EPHA5: variants seen among roughly 807,000 people sequenced by gnomAD.
EPHA5 encodes EPH receptor A5, also known as ephrin type-A receptor 5.
A neutral mutation model predicts 105.0 loss-of-function variants in EPHA5; 60 were observed. The ratio of observed to expected loss-of-function variants is 0.57; its 90% CI spans 0.46 to 0.71. The LOEUF (loss-of-function observed/expected upper bound fraction) is 0.71. Ranked by LOEUF, EPHA5 falls within the 30% of genes least tolerant of loss-of-function variation. EPHA5 has a pLI of 0.00. For synonymous variants in EPHA5, 513 were observed against 449.1 expected (o/e 1.14, Z -1.80); for missense variants, 1,218 against 1,274.7 (o/e 0.96, Z 0.68).
intron 6 of EPHA5, among the ~76,000 whole-genome samples, chr4:65,418,928 G>T: frequency 9.5e-6 from 1 of 105,326 alleles, no homozygotes; most frequent in Non-Finnish European, 1.7e-5. Context: ...TTGTTGCCCA[G>T]ACTGGAGTGC....
intron 3 of EPHA5, among the ~76,000 whole-genome samples, chr4:65,581,819 A>G (rs1741654988): frequency 6.6e-6 from 1 of 151,796 alleles, no homozygotes; most frequent in South Asian, 2.1e-4. Context: ...TTTATATGCT[A>G]AAGTCATGAA....
intron 3 of EPHA5, among the ~76,000 whole-genome samples, chr4:65,510,637 C>T (rs1028660144): frequency 6.6e-6 from 1 of 152,158 alleles, no homozygotes; most frequent in Admixed American, 6.5e-5. Flanking sequence ...AGAAACTAAG[C>T]ACTCAATAGC....
At chr4:65,654,052 T>A (rs1748846742) in intron 1 of EPHA5, among the ~76,000 whole-genome samples, 1 of 152,080 alleles carries the variant, frequency 6.6e-6, no homozygotes, top group Non-Finnish European at 1.5e-5. Context: ...AAAGGAATAA[T>A]GCTGCTGACA....
chr4:65,433,378 A>G (rs1276613483), intron 5 of EPHA5, among the ~76,000 whole-genome samples: 4 of 152,168 alleles, frequency 2.6e-5, no homozygotes, highest in Non-Finnish European at 5.9e-5. Context: ...AAGTTGTAAG[A>G]CCACACCAAC....
intron 5 of EPHA5, among the ~76,000 whole-genome samples, chr4:65,472,614 C>T (rs1183315619): frequency 6.6e-6 from 1 of 152,234 alleles, no homozygotes; most frequent in East Asian, 1.9e-4. Flanking sequence ...GGCTTGCACC[C>T]TCTGAAGCAA....
At chr4:65,660,673 C>A (rs1187722126) in intron 1 of EPHA5, among the ~76,000 whole-genome samples, 1 of 151,898 alleles carries the variant, frequency 6.6e-6, no homozygotes, top group African/African-American at 2.4e-5. Flanking sequence ...GGTTCAAGAC[C>A]ATACCACTGT....
chr4:65,465,500 A>T, intron 5 of EPHA5, among the ~76,000 whole-genome samples: 1 of 120,154 alleles, frequency 8.3e-6, no homozygotes, highest in Non-Finnish European at 1.8e-5. Context: ...AGAAAGAAAG[A>T]AAGAAAGAAA....
intron 8 of EPHA5, among the ~76,000 whole-genome samples, chr4:65,372,343 T>C (rs1167831556): frequency 6.6e-6 from 1 of 151,918 alleles, no homozygotes; most frequent in Non-Finnish European, 1.5e-5. Context: ...ACATATCTAA[T>C]AAAAACTGAA....
At chr4:65,483,886 C>T (rs1182315359) in intron 5 of EPHA5, among the ~76,000 whole-genome samples, 1 of 152,016 alleles carries the variant, frequency 6.6e-6, no homozygotes, top group Non-Finnish European at 1.5e-5. Context: ...AAACAGTAAA[C>T]ATAAATCCCT....
intron 3 of EPHA5, among the ~76,000 whole-genome samples, chr4:65,542,189 G>C (rs1736907234): frequency 6.6e-6 from 1 of 151,854 alleles, no homozygotes; most frequent in South Asian, 2.1e-4. Context: ...AGAAAAGCCA[G>C]AGCAAACAAA....
intron 3 of EPHA5, among the ~76,000 whole-genome samples, chr4:65,499,816 A>G (rs779369458): frequency 7.0e-6 from 1 of 142,630 alleles, no homozygotes; most frequent in African/African-American, 2.5e-5. Flanking sequence ...ATGTAAATAA[A>G]TAAATGTATA....
intron 2 of EPHA5, among the ~76,000 whole-genome samples, chr4:65,615,931 C>G (rs895230794): frequency 6.6e-6 from 1 of 151,976 alleles, no homozygotes; most frequent in East Asian, 1.9e-4. Context: ...TTTCACTCTT[C>G]AACATCTATA....
At chr4:65,372,688 T>C (rs1247598711) in intron 8 of EPHA5, among the ~76,000 whole-genome samples, 2 of 151,904 alleles carry the variant, frequency 1.3e-5, no homozygotes, top group Non-Finnish European at 2.9e-5. Context: ...ATTTTCTGAG[T>C]TCTTATCTCA....
chr4:65,504,105 C>A (rs1732766133), intron 3 of EPHA5, among the ~76,000 whole-genome samples: 1 of 151,264 alleles, frequency 6.6e-6, no homozygotes, highest in South Asian at 2.1e-4. Context: ...ATCAATTTCA[C>A]ATTTTTATAT....
intron 2 of EPHA5, among the ~76,000 whole-genome samples, chr4:65,617,200 C>G (rs138637049): frequency 1.6e-3 from 247 of 152,136 alleles, no homozygotes; most frequent in Non-Finnish European, 2.3e-3. Flanking sequence ...ATCATATTAT[C>G]TTAAATCCTG....
intron 13 of EPHA5, 77 bp downstream of exon 13, chr4:65,351,312 T>C: frequency 7.6e-7 from 1 of 1,318,714 alleles, no homozygotes; most frequent in Non-Finnish European, 1.1e-6. Context: ...GAATGCTCTT[T>C]TAGCTATTTC....
intron 5 of EPHA5, among the ~76,000 whole-genome samples, chr4:65,438,913 G>A (rs1560537136): frequency 6.6e-6 from 1 of 152,090 alleles, no homozygotes; most frequent in African/African-American, 2.4e-5. Flanking sequence ...CTGAGAAGGT[G>A]AATAAAATAT....
At chr4:65,644,074 A>G (rs947284440) in intron 1 of EPHA5, among the ~76,000 whole-genome samples, 2 of 152,042 alleles carry the variant, frequency 1.3e-5, no homozygotes, top group Admixed American at 1.3e-4. Flanking sequence ...CTTAGATATG[A>G]CCATAGTCTA....
chr4:65,324,171 G>T lies in EPHA5; in HGVS notation c.2994C>A (p.Ile998=), dbSNP rs1719860039. The part of the protein sequence containing the change: ...GVTLVGHQKK[I]MNSLQEMKVQ... ...CCTTCATTTCTTGAAGGCTGTTCAT[G>T]ATCTTCTTCTGGTGACCGACAAGAG... is the stretch of plus-strand genomic sequence containing the variant. Residue 998 remains isoleucine, a synonymous_variant, in exon 17 of 17, where the codon ATC becomes ATA. Transcript: ENST00000613740. The T allele has an allele frequency of 6.2e-7, 1 of 1,609,434 alleles. No homozygotes were observed. Among genetic ancestry groups the T allele is most frequent in the African/African-American group, 1.3e-5 (1 of 74,498 alleles).
Sources: gnomAD v4.1 joint callset for allele counts (sites outside exome capture counted in the v4.1 genomes callset) on GRCh38, gnomAD v4.1.1 for gene constraint, MANE v1.5 for transcripts, NCBI Gene and HGNC (gene_info 2026-07-23, HGNC 2026-07-21) for gene names.